The following ATP9B variants were observed in gnomAD, a reference collection of about 807,000 sequenced individuals.
ATP9B encodes probable phospholipid-transporting ATPase IIB.
In ATP9B, 110 loss-of-function variants were observed where a neutral mutation model predicts 146.1. The ratio of observed to expected loss-of-function variants is 0.75; its 90% CI spans 0.65 to 0.88. The LOEUF is 0.88. Ranked by LOEUF, ATP9B falls within the 40% of genes least tolerant of loss-of-function variation. The pLI is 0.00. For synonymous variants in ATP9B, 604 were observed against 569.7 expected, an observed-to-expected ratio of 1.06 and a Z score of -0.86; for missense variants, 1,499 against 1,496.4, an observed-to-expected ratio of 1.00 and a Z score of -0.03.
intron 8 of ATP9B, among the ~76,000 whole-genome samples, chr18:79,186,082 G>A (rs1358001072): frequency 1.3e-5 from 2 of 152,156 alleles, no homozygotes; most frequent in Non-Finnish European, 2.9e-5. Context: ...TATGTTTCTG[G>A]CTTTTGTGAT....
At chr18:79,348,702 G>A (rs1445502380) in intron 25 of ATP9B, among the ~76,000 whole-genome samples, 1 of 152,272 alleles carries the variant, frequency 6.6e-6, no homozygotes, top group Non-Finnish European at 1.5e-5. Context: ...AGGGCTGGGC[G>A]CGGTGGCTCA....
intron 2 of ATP9B, among the ~76,000 whole-genome samples, chr18:79,097,531 C>G (rs865812868): frequency 1.2e-4 from 10 of 83,944 alleles, no homozygotes; most frequent in Middle Eastern, 0.028. Context: ...CCCCCTCCCC[C>G]CTCCCCACCA....
chr18:79,377,913 C>CT lies in ATP9B; in HGVS notation c.*537dup, dbSNP rs144228262. ...TGGGGCCTCACCCCTGCTTTTCTTT[C>CT]TTTTTTTGTATTGTCAAAATTGTAT... On this transcript the variant is annotated 3_prime_UTR_variant, in exon 30 of 30. Transcript: ENST00000426216. 2,378 of 153,878 alleles carry CT rather than the reference C, an allele frequency of 0.015. 63 individuals carry two copies. The highest frequency in any genetic ancestry group is 0.055 in the African/African-American group (2,268 of 41,594). The allele number at this position is 153,878 out of a possible 1,614,324, so 9.5% of individuals were successfully genotyped here. A position where few individuals can be genotyped will look rare whatever the true frequency, so the allele number is the denominator to read the frequency against.
intron 8 of ATP9B, among the ~76,000 whole-genome samples, chr18:79,185,848 G>A (rs1300797530): frequency 6.6e-6 from 1 of 152,104 alleles, no homozygotes; most frequent in Non-Finnish European, 1.5e-5. Context: ...TGTCCATGGT[G>A]ACAGCCAGGC....
At chr18:79,194,748 A>G (rs748429531) in intron 9 of ATP9B, 1 of 152,236 alleles carries the variant, frequency 6.6e-6, no homozygotes, top group African/African-American at 2.4e-5. Context: ...CAGAAATGTG[A>G]GACAGAAAAT....
chr18:79,368,693 T>C (rs952372967), intron 26 of ATP9B, among the ~76,000 whole-genome samples: 1 of 152,142 alleles, frequency 6.6e-6, no homozygotes, highest in Admixed American at 6.5e-5. Flanking sequence ...CACCGTAATT[T>C]CAGACCATTA....
chr18:79,290,400 G>A lies in ATP9B; in HGVS notation c.1411+13204G>A, dbSNP rs541016620. On this transcript the variant is annotated intron_variant, in intron 13 of 29. Transcript: ENST00000426216. ...GTGCTAGCAATCAGCGAGACTCTGT[G>A]GGGTAGGACCCTCCGAGCCAGGTGC... Among the ~76,000 whole-genome samples, 7 of 152,324 alleles carry A rather than the reference G, an allele frequency of 4.6e-5. 1 individual carries two copies. The highest frequency in any genetic ancestry group is 1.7e-4 in the African/African-American group (7 of 41,580).
intron 1 of ATP9B, among the ~76,000 whole-genome samples, chr18:79,072,219 T>C (rs1599293146): frequency 6.6e-6 from 1 of 152,054 alleles, no homozygotes; most frequent in Non-Finnish European, 1.5e-5. Context: ...GGCAGGGTCA[T>C]AGGACAATAG....
In ATP9B at chr18:79,182,271, G is replaced by A. The variant is rs73486187; in HGVS notation, c.873+5364G>A. ...TCCAACTCTGTGGTCTCTGCAGGTG[G>A]TTGGGGCTGGAGCTCCGTGGTTCTC... is the stretch of plus-strand genomic sequence containing the variant. On this transcript the variant is annotated intron_variant, in intron 8 of 29. Transcript: ENST00000426216. Among the ~76,000 whole-genome samples, 1,253 of 152,258 alleles carry A rather than the reference G, an allele frequency of 8.2e-3. 17 individuals carry two copies. Among genetic ancestry groups the A allele is most frequent in the African/African-American group, 0.028 (1,161 of 41,510 alleles).
rs200345243 is a variant in ATP9B, at chr18:79,108,826, GAC to G, written c.294-1519_294-1518del. 6.6e-3 allele frequency among the ~76,000 whole-genome samples: 1,006 copies of G among 152,312 alleles called. 14 individuals carry two copies. The highest frequency in any genetic ancestry group is 0.023 in the African/African-American group (965 of 41,562). On this transcript the variant is annotated intron_variant, in intron 2 of 29. Coordinates refer to ENST00000426216, the MANE Select transcript of ATP9B (RefSeq NM_198531.5). Reference sequence around the variant, plus strand: ...TAGGGATAGTACCAACTTCAGTTGAGACACACACACATGCCCTCATAAGGAAT... The same window carrying G: ...TAGGGATAGTACCAACTTCAGTTGAGACACACACATGCCCTCATAAGGAAT...
chr18:79,375,053 C>T (rs911078890), intron 28 of ATP9B, among the ~76,000 whole-genome samples: 1 of 152,198 alleles, frequency 6.6e-6, no homozygotes, highest in African/African-American at 2.4e-5. Flanking sequence ...AATGAATGTG[C>T]AGAGCTCCTT....
rs747693802 is a variant in ATP9B at position 79,342,371 on chromosome 18, G to A, written c.2382+5G>A. The A allele has an allele frequency of 2.5e-6, 4 of 1,595,094 alleles. No individual in the cohort carries two copies. The highest frequency in any genetic ancestry group is 3.4e-6 in the Non-Finnish European group (4 of 1,163,772). ...GATATTCATATTTTCAGACAGGTAA[G>A]TATGTATCTTAATCACTTTGAATTT... On this transcript the variant is annotated splice_donor_5th_base_variant and intron_variant, in intron 20 of 29. Coordinates refer to ENST00000426216, the MANE Select transcript of ATP9B (RefSeq NM_198531.5).
intron 5 of ATP9B, among the ~76,000 whole-genome samples, chr18:79,134,721 T>C (rs1484053808): frequency 6.6e-6 from 1 of 152,232 alleles, no homozygotes; most frequent in East Asian, 1.9e-4. Flanking sequence ...TATCTATTTT[T>C]ACCTTATTAC....
At chr18:79,321,676 C>A (rs1405792780) in intron 15 of ATP9B, among the ~76,000 whole-genome samples, 1 of 152,154 alleles carries the variant, frequency 6.6e-6, no homozygotes, top group Non-Finnish European at 1.5e-5. Flanking sequence ...TAGAGTTAAT[C>A]TTCAAGATGA....
intron 15 of ATP9B, among the ~76,000 whole-genome samples, chr18:79,325,932 C>A (rs2096742274): frequency 6.7e-6 from 1 of 148,160 alleles, no homozygotes; most frequent in Non-Finnish European, 1.5e-5. Flanking sequence ...ACCCTCCCTC[C>A]CCTCACATGG....
rs1406019962 is a variant in ATP9B, at chr18:79,378,082, C to G, written c.*699C>G. ...CAGTTCCCTCATATTCAGATTCTTT[C>G]TTTGATGTTATAACACAAAGTCATT... On this transcript the variant is annotated 3_prime_UTR_variant, in exon 30 of 30. Coordinates refer to ENST00000426216, the MANE Select transcript of ATP9B (RefSeq NM_198531.5). The G allele has an allele frequency of 6.6e-6, 1 of 152,294 alleles. No individual in the cohort carries two copies. Among genetic ancestry groups the G allele is most frequent in the Non-Finnish European group, 1.5e-5 (1 of 68,086 alleles). 9.4% of individuals were successfully genotyped at this position (152,294 alleles called of 1,614,324 possible).
intron 7 of ATP9B, among the ~76,000 whole-genome samples, chr18:79,175,725 C>A (rs535673499): frequency 1.3e-5 from 2 of 152,192 alleles, no homozygotes; most frequent in African/African-American, 4.8e-5. Flanking sequence ...CCCATGTACA[C>A]AAACATACAC....
At chr18:79,293,776 T>C (rs1030139763) in intron 13 of ATP9B, among the ~76,000 whole-genome samples, 7 of 152,342 alleles carry the variant, frequency 4.6e-5, no homozygotes, top group Admixed American at 3.9e-4. Context: ...TACTGAGATA[T>C]AAAGCTTTAT....
chr18:79,253,451 T>G lies in ATP9B; in HGVS notation c.1178T>G (p.Ile393Ser), dbSNP rs1456645955. The G allele has an allele frequency of 6.2e-7, 1 of 1,613,842 alleles. No individual in the cohort carries two copies. Among genetic ancestry groups the G allele is most frequent in the Non-Finnish European group, 8.5e-7 (1 of 1,179,926 alleles). Reference protein sequence around the residue: ...ALFLALVALSIVMVTLQGFVG... With the variant: ...ALFLALVALSSVMVTLQGFVG... Reference sequence around the variant, plus strand: ...TTTTTGGCTTTAGTTGCTCTTTCCATTGTTATGGTAACCTTACAAGGATTT... The same window carrying G: ...TTTTTGGCTTTAGTTGCTCTTTCCAGTGTTATGGTAACCTTACAAGGATTT... The change falls in exon 12 of 30, where the codon ATT (isoleucine) becomes AGT (serine). Residue 393 changes from isoleucine (I) to serine (S), a missense_variant. By Grantham distance (142) the Ile-to-Ser change is moderately radical. Coordinates refer to ENST00000426216, the MANE Select transcript of ATP9B (RefSeq NM_198531.5).
Sources: gnomAD v4.1 joint callset for allele counts (sites outside exome capture counted in the v4.1 genomes callset) on GRCh38, gnomAD v4.1.1 for gene constraint, MANE v1.5 for transcripts, NCBI Gene and HGNC (gene_info 2026-07-23, HGNC 2026-07-21) for gene names.